YPEL2: variants seen among roughly 807,000 people sequenced by gnomAD.
YPEL2 encodes the protein yippee like 2, also known as protein yippee-like 2.
Under a neutral mutation model 19.1 loss-of-function variants are expected in YPEL2, and 2 were observed. That is an observed-to-expected ratio of 0.10 (90% CI 0.04 to 0.33). The LOEUF is 0.33. YPEL2 is among the 10% of genes least tolerant of loss of function. YPEL2 has a pLI of 1.00. For synonymous variants in YPEL2, 52 were observed against 50.0 expected (o/e 1.04, Z -0.17); for missense variants, 66 against 140.7 (o/e 0.47, Z 2.68).
chr17:59,349,578 C>T (rs544881092), intron 1 of YPEL2, among the ~76,000 whole-genome samples: 2 of 152,010 alleles, frequency 1.3e-5, no homozygotes, highest in South Asian at 4.2e-4. Flanking sequence ...AACTCCTGAC[C>T]TCAAGTGATC....
intron 1 of YPEL2, among the ~76,000 whole-genome samples, chr17:59,349,402 C>T (rs1432975786): frequency 1.5e-5 from 2 of 129,360 alleles, no homozygotes; most frequent in Non-Finnish European, 3.1e-5. Flanking sequence ...CTCGCTCTGT[C>T]GTCCAGGCTG....
At chr17:59,358,136 G>A (rs1280548132) in intron 2 of YPEL2, among the ~76,000 whole-genome samples, 2 of 152,172 alleles carry the variant, frequency 1.3e-5, no homozygotes, top group East Asian at 3.8e-4. Context: ...CTCAGAGCCA[G>A]GGCCATCCAC....
rs1297223757 is a variant in YPEL2 at position 59,397,987 on chromosome 17, T to A, written c.*797T>A. The A allele has an allele frequency of 6.6e-6, 1 of 152,246 alleles. No individual in the cohort carries two copies. The highest frequency in any genetic ancestry group is 1.5e-5 in the Non-Finnish European group (1 of 68,082). The allele number at this position is 152,246 out of a possible 1,614,324, so 9.4% of individuals were successfully genotyped here. A position where few individuals can be genotyped will look rare whatever the true frequency, so the allele number is the denominator to read the frequency against. On this transcript the variant is annotated 3_prime_UTR_variant, in exon 5 of 5. Transcript: ENST00000312655. ...GGTGTGAAGGGACTGCTGTTTGCAA[T>A]GGGCTTACCATCCAAATATCCCAAA...
At chr17:59,368,003 C>T (rs766398177) in intron 2 of YPEL2, among the ~76,000 whole-genome samples, 3 of 152,202 alleles carry the variant, frequency 2.0e-5, no homozygotes, top group Non-Finnish European at 4.4e-5. Context: ...CACTTAACCT[C>T]CCTCATCACC....
intron 2 of YPEL2, among the ~76,000 whole-genome samples, chr17:59,368,921 T>A (rs966999923): frequency 2.6e-5 from 4 of 152,216 alleles, no homozygotes; most frequent in Non-Finnish European, 2.9e-5. Context: ...ATTGATAACA[T>A]GCCATAGCTG....
chr17:59,388,353 A>G lies in YPEL2; in HGVS notation c.144A>G (p.Ala48=), dbSNP rs757158658. 45 of 1,614,202 alleles carry G rather than the reference A, an allele frequency of 2.8e-5. No individual in the cohort carries two copies. The highest frequency in any genetic ancestry group is 1.1e-4 in the East Asian group (5 of 44,886). ...SKSFQGSQGR[A]YLFNSVVNVG... The stretch of plus-strand genomic sequence containing the variant: ...CATTCCAAGGAAGTCAAGGACGAGC[A>G]TACCTCTTTAACTCAGTGTGAGTGC... The change falls in exon 3 of 5, where the codon GCA becomes GCG. Residue 48 remains alanine, a synonymous_variant. Transcript: ENST00000312655.
chr17:59,347,216 C>T (rs994922876), intron 1 of YPEL2, among the ~76,000 whole-genome samples: 1 of 152,086 alleles, frequency 6.6e-6, no homozygotes, highest in Non-Finnish European at 1.5e-5. Flanking sequence ...AAAGTGAGGT[C>T]CAGAGAGGTT....
intron 2 of YPEL2, among the ~76,000 whole-genome samples, chr17:59,379,493 A>T (rs1438443577): frequency 6.6e-6 from 1 of 152,126 alleles, no homozygotes; most frequent in Non-Finnish European, 1.5e-5. Flanking sequence ...CTACCTACAC[A>T]CTTCTGATGC....
At chr17:59,352,057 G>T (rs2047790003) in intron 1 of YPEL2, among the ~76,000 whole-genome samples, 1 of 152,192 alleles carries the variant, frequency 6.6e-6, no homozygotes, top group Non-Finnish European at 1.5e-5. Flanking sequence ...TGATTTGCAG[G>T]CTTTCTCTAA....
rs137900015 is a variant in YPEL2, at chr17:59,345,612, A to C, written c.-195-7603A>C. Among the ~76,000 whole-genome samples, 127 of 152,300 alleles carry C rather than the reference A, an allele frequency of 8.3e-4. 1 individual carries two copies. The highest frequency in any genetic ancestry group is 2.8e-3 in the African/African-American group (118 of 41,562). On this transcript the variant is annotated intron_variant, in intron 1 of 4. Transcript: ENST00000312655. ...ATAATATCAGGTCCCCAGCTAAGCC[A>C]CAGAAGCCTACTTAAACCACAATGT...
At chr17:59,393,473 TTTTTA>T (rs1346255523) in intron 4 of YPEL2, among the ~76,000 whole-genome samples, 11 of 150,216 alleles carry the variant, frequency 7.3e-5, no homozygotes, top group African/African-American at 2.2e-4. Flanking sequence ...ATTTTCTTTT[TTTTTA>T]TTTTTATTTT....
At chr17:59,347,490 G>A (rs953507182) in intron 1 of YPEL2, among the ~76,000 whole-genome samples, 1 of 152,146 alleles carries the variant, frequency 6.6e-6, no homozygotes. Context: ...TGATGACGTG[G>A]TCAGATCTCC....
chr17:59,360,635 C>G (rs1228252143), intron 2 of YPEL2, among the ~76,000 whole-genome samples: 2 of 152,148 alleles, frequency 1.3e-5, no homozygotes, highest in East Asian at 3.8e-4. Flanking sequence ...GTTGACCACC[C>G]AGGAAGGGGT....
At chr17:59,369,639 C>G (rs574495341) in intron 2 of YPEL2, among the ~76,000 whole-genome samples, 1 of 152,326 alleles carries the variant, frequency 6.6e-6, no homozygotes, top group South Asian at 2.1e-4. Context: ...TATCCCTGTC[C>G]CGGTCTGATG....
At chr17:59,391,120 T>C (rs2147958608) in intron 4 of YPEL2, among the ~76,000 whole-genome samples, 1 of 152,346 alleles carries the variant, frequency 6.6e-6, no homozygotes, top group Non-Finnish European at 1.5e-5. Context: ...AAAGTTGGTC[T>C]TCCTGTCTCT....
chr17:59,332,140 G>T (rs896992203), intron 1 of YPEL2, among the ~76,000 whole-genome samples: 14 of 152,184 alleles, frequency 9.2e-5, no homozygotes, highest in Admixed American at 4.6e-4. Context: ...GCGGGGCCAG[G>T]TTTGGGGCGG....
In YPEL2 at chr17:59,388,350, A is replaced by G; in HGVS notation, c.141A>G (p.Arg47=). 1.2e-6 allele frequency: 2 copies of G among 1,614,208 alleles called. No homozygotes were observed. Among genetic ancestry groups the G allele is most frequent in the Non-Finnish European group, 1.7e-6 (2 of 1,180,028 alleles). ...ISKSFQGSQG[R]AYLFNSVVNV... ...AGTCATTCCAAGGAAGTCAAGGACG[A>G]GCATACCTCTTTAACTCAGTGTGAG... The change falls in exon 3 of 5, where the codon CGA becomes CGG. Residue 47 remains arginine, a synonymous_variant. Coordinates refer to ENST00000312655, the MANE Select transcript of YPEL2 (RefSeq NM_001005404.4).
At chr17:59,359,130 G>A (rs2047828040) in intron 2 of YPEL2, among the ~76,000 whole-genome samples, 1 of 151,834 alleles carries the variant, frequency 6.6e-6, no homozygotes. Flanking sequence ...TGCCATGTTG[G>A]CCAGGCTGGT....
rs558042413 is a variant in YPEL2, at chr17:59,392,921, A to G, written c.270+3453A>G. Among the ~76,000 whole-genome samples the G allele has an allele frequency of 5.3e-5, 8 of 152,208 alleles. No homozygotes were observed. In the South Asian group the frequency reaches 1.7e-3, roughly 32 times the overall value. On this transcript the variant is annotated intron_variant, in intron 4 of 4. Transcript: ENST00000312655. ...CACCTTGGTCTCCCAAAGTGCTGGG[A>G]TTACAGGTGTGAGCCACCGCACCTG...
Sources: allele counts gnomAD v4.1 joint callset (sites outside exome capture counted in the v4.1 genomes callset), GRCh38; gene constraint gnomAD v4.1.1; transcripts MANE v1.5; gene names NCBI Gene and HGNC (gene_info 2026-07-23, HGNC 2026-07-21).